RARB: variants seen among roughly 807,000 people sequenced by gnomAD.
RARB encodes retinoic acid receptor beta, also known as HBV-activated protein.
In RARB, 17 loss-of-function variants were observed where a neutral mutation model predicts 51.9. The ratio of observed to expected loss-of-function variants is 0.33; its 90% CI spans 0.22 to 0.49. RARB has a LOEUF of 0.49. RARB is among the 20% of genes least tolerant of loss of function. The pLI is 0.99. For synonymous variants in RARB, 215 were observed against 195.4 expected, an observed-to-expected ratio of 1.10 and a Z score of -0.84; for missense variants, 369 against 550.8, an observed-to-expected ratio of 0.67 and a Z score of 3.30.
upstream of RARB, among the ~76,000 whole-genome samples, chr3:25,427,845 C>T (rs1708038852): frequency 6.6e-6 from 1 of 151,992 alleles, no homozygotes; most frequent in Non-Finnish European, 1.5e-5. Flanking sequence ...GACAGAAAGG[C>T]GCACAGAGGA....
chr3:24,905,361 C>A (rs1335568915), intron 2 of RARB, among the ~76,000 whole-genome samples: 1 of 152,102 alleles, frequency 6.6e-6, no homozygotes, highest in Non-Finnish European at 1.5e-5. Context: ...CCAAATGCAC[C>A]TTTTCAGCAC....
intron 5 of RARB, among the ~76,000 whole-genome samples, chr3:25,202,140 A>T (rs907689673): frequency 6.6e-6 from 1 of 152,140 alleles, no homozygotes; most frequent in Non-Finnish European, 1.5e-5. Flanking sequence ...CAGAGATTCA[A>T]CTTCTTCCTG....
In RARB at chr3:25,432,058, C is replaced by T. The variant is rs563899552; in HGVS notation, c.157+3170C>T. Among the ~76,000 whole-genome samples the T allele has an allele frequency of 1.2e-4, 18 of 152,216 alleles. No individual in the cohort carries two copies. In the South Asian group the frequency reaches 3.5e-3, roughly 30 times the overall value. On this transcript the variant is annotated intron_variant, in intron 1 of 7. Coordinates refer to ENST00000330688, the MANE Select transcript of RARB (RefSeq NM_000965.5). Reference sequence around the variant, plus strand: ...TTTTTCTAAAGTAGGACATAATTTTCTGCTTCTCGGGCACATGACGGTGGT... The same window carrying T: ...TTTTTCTAAAGTAGGACATAATTTTTTGCTTCTCGGGCACATGACGGTGGT...
intron 2 of RARB, among the ~76,000 whole-genome samples, chr3:24,882,936 G>A (rs539500536): frequency 1.3e-5 from 2 of 152,212 alleles, no homozygotes; most frequent in African/African-American, 4.8e-5. Flanking sequence ...GGGGTATATG[G>A]AAAGGGTTTC....
At chr3:25,006,447 C>T (rs574196671) in intron 2 of RARB, among the ~76,000 whole-genome samples, 2 of 152,140 alleles carry the variant, frequency 1.3e-5, no homozygotes, top group African/African-American at 4.8e-5. Context: ...AACTACCCAT[C>T]TGTAATTGAA....
At chr3:25,173,938 A>G (rs1217446629) in intron 4 of RARB, among the ~76,000 whole-genome samples, 1 of 152,194 alleles carries the variant, frequency 6.6e-6, no homozygotes, top group African/African-American at 2.4e-5. Flanking sequence ...TAAATTGAGT[A>G]AAAGTTGTAG....
intron 4 of RARB, among the ~76,000 whole-genome samples, chr3:25,132,396 A>G (rs1189449701): frequency 6.6e-6 from 1 of 151,920 alleles, no homozygotes; most frequent in African/African-American, 2.4e-5. Context: ...GAGATTTTAG[A>G]CACAAGTTCA....
At chr3:24,995,439 C>A (rs6550930) in intron 2 of RARB, among the ~76,000 whole-genome samples, 78,447 of 151,846 alleles carry the variant, frequency 0.52, 21,282 homozygotes, top group African/African-American at 0.69. Context: ...TTCTTCCTTT[C>A]CAGTTTGGAT....
intron 5 of RARB, among the ~76,000 whole-genome samples, chr3:25,287,563 C>T (rs747890448): frequency 4.6e-5 from 7 of 152,192 alleles, no homozygotes; most frequent in Non-Finnish European, 8.8e-5. Context: ...TCTCGGCCTC[C>T]TTTAGTATTG....
intron 3 of RARB, among the ~76,000 whole-genome samples, chr3:25,111,529 A>AAC (rs1321036218): frequency 1.3e-5 from 2 of 151,860 alleles, no homozygotes; most frequent in African/African-American, 4.8e-5. Context: ...ACAGCTCTAT[A>AAC]ATATATATTG....
intron 2 of RARB, among the ~76,000 whole-genome samples, chr3:24,937,540 A>G (rs1208635289): frequency 6.6e-6 from 1 of 152,190 alleles, no homozygotes; most frequent in Non-Finnish European, 1.5e-5. Context: ...GGCAAATCCT[A>G]GGGCCTGGAC....
chr3:25,007,611 A>AAAAAAAAAAAAAAAAAAAAAAAC (rs1559431441), intron 2 of RARB, among the ~76,000 whole-genome samples: 1 of 150,444 alleles, frequency 6.6e-6, no homozygotes, highest in East Asian at 1.9e-4. Flanking sequence ...AAAACAAAAA[A>AAAAAAAAAAAAAAAAAAAAAAAC]ACCTCATATT....
intron 5 of RARB, among the ~76,000 whole-genome samples, chr3:25,354,599 T>C (rs1277732864): frequency 6.6e-6 from 1 of 152,160 alleles, no homozygotes; most frequent in Non-Finnish European, 1.5e-5. Context: ...AACTGGAAGC[T>C]GAACTTACTC....
chr3:25,187,596 T>C (rs1279683989), intron 5 of RARB, among the ~76,000 whole-genome samples: 3 of 152,100 alleles, frequency 2.0e-5, no homozygotes, highest in East Asian at 3.9e-4. Context: ...AAAAATACTT[T>C]TAATCTTTGT....
At chr3:25,405,366 A>G (rs1707378114) in intron 5 of RARB, among the ~76,000 whole-genome samples, 1 of 152,210 alleles carries the variant, frequency 6.6e-6, no homozygotes, top group Non-Finnish European at 1.5e-5. Context: ...TTAACAAACA[A>G]ACAACTACTA....
At chr3:25,339,441 G>A (rs529059507) in intron 5 of RARB, among the ~76,000 whole-genome samples, 7 of 152,234 alleles carry the variant, frequency 4.6e-5, no homozygotes, top group Admixed American at 2.0e-4. Context: ...TTTTCGGAAC[G>A]TCACTTTCCT....
intron 2 of RARB, among the ~76,000 whole-genome samples, chr3:25,048,087 T>C (rs1388782477): frequency 6.6e-6 from 1 of 152,206 alleles, no homozygotes; most frequent in East Asian, 1.9e-4. Context: ...GTGAGGCCTC[T>C]CCAGCCATGC....
chr3:25,112,562 A>G (rs1328687800), intron 3 of RARB, among the ~76,000 whole-genome samples: 1 of 152,152 alleles, frequency 6.6e-6, no homozygotes, highest in African/African-American at 2.4e-5. Context: ...AGATCATTTG[A>G]GCCCAGGAGT....
chr3:24,933,845 G>T lies in RARB; in HGVS notation c.-380+75093G>T, dbSNP rs548615501. Among the ~76,000 whole-genome samples the T allele has an allele frequency of 3.4e-4, 52 of 151,994 alleles. No individual in the cohort carries two copies. The South Asian group carries it at 0.011, about 32-fold the overall frequency. On this transcript the variant is annotated intron_variant, in intron 2 of 11. Transcript: ENST00000383772. The stretch of plus-strand genomic sequence containing the variant: ...ATGTAATGTAAAATAAGGAAGGATC[G>T]AACAAAGCATTAAACAAAAAAATTG...
Sources: gnomAD v4.1 joint callset for allele counts (sites outside exome capture counted in the v4.1 genomes callset) on GRCh38, gnomAD v4.1.1 for gene constraint, MANE v1.5 for transcripts, NCBI Gene and HGNC (gene_info 2026-07-23, HGNC 2026-07-21) for gene names.